The following KCNC1 variants were observed in gnomAD, a reference collection of about 807,000 sequenced individuals.
KCNC1 encodes voltage-gated potassium channel KCNC1.
In KCNC1, 8 loss-of-function variants were observed where a neutral mutation model predicts 43.4. That is an observed-to-expected ratio of 0.18 (90% confidence interval 0.11 to 0.33). The LOEUF (loss-of-function observed/expected upper bound fraction) is 0.33, where lower values mean the gene tolerates loss of function less well. KCNC1 is among the 10% of genes least tolerant of loss of function. The pLI, the probability that KCNC1 is intolerant of heterozygous loss-of-function variation, is 1.00. For synonymous variants in KCNC1, 361 were observed against 360.5 expected (o/e 1.00, Z -0.01); for missense variants, 420 against 836.0 (o/e 0.50, Z 6.14).
At position 17,773,870 on chromosome 11, in the gene KCNC1, T is replaced by G. The variant is rs1286143320; in HGVS notation, c.1504+1272T>G. On this transcript the variant is annotated intron_variant, in intron 2 of 3. Transcript: ENST00000265969. The surrounding 1 kb of genome is among the most constrained non-coding windows in gnomAD (Gnocchi z 4.1). ...GACGTGACAGGTGGCATTTAGTCTA[T>G]GAAGGACCTCCCCATGCCCAGGTCT... The G allele has an allele frequency of 1.0e-5, 10 of 985,408 alleles. No individual in the cohort carries two copies. Among genetic ancestry groups the G allele is most frequent in the African/African-American group, 1.7e-5 (1 of 57,234 alleles). The allele number at this position is 985,408 out of a possible 1,614,324, so 61.0% of individuals were successfully genotyped here.
Position 17,736,680 on chromosome 11 carries a change from G to T in KCNC1, c.570+108G>T, listed in dbSNP as rs1157580138. ...ACTGGCGCCTAGGGAGTTCAGAATC[G>T]AAAGGGGGTGTGTGCGCATGTGTGC... On this transcript the variant is annotated intron_variant, in intron 1 of 3. Coordinates refer to ENST00000265969, the MANE Select transcript of KCNC1 (RefSeq NM_001112741.2). This position sits in a 1 kb window ranked among gnomAD's most constrained non-coding sequence, Gnocchi z 9.3. The T allele has an allele frequency of 2.1e-6, 3 of 1,430,970 alleles. No homozygotes were observed. The highest frequency in any genetic ancestry group is 2.7e-6 in the Non-Finnish European group (3 of 1,096,382). 88.6% of individuals were successfully genotyped at this position (1,430,970 alleles called of 1,614,324 possible). A position where few individuals can be genotyped will look rare whatever the true frequency, so the allele number is the denominator to read the frequency against.
In KCNC1 at chr11:17,743,462, C is replaced by T. The variant is rs923226348; in HGVS notation, c.570+6890C>T. 3.9e-5 allele frequency among the ~76,000 whole-genome samples: 6 copies of T among 152,242 alleles called. 1 individual carries two copies. The highest frequency in any genetic ancestry group is 1.4e-4 in the African/African-American group (6 of 41,470). On this transcript the variant is annotated intron_variant, in intron 1 of 3. Transcript: ENST00000265969. The stretch of plus-strand genomic sequence containing the variant: ...GCCCCTGGGTAATGGCAGGTGAGGG[C>T]CCTGCCTGGCCAGGCCATGGGCTAA...
At chr11:17,769,484 G>A (rs753568130) in intron 1 of KCNC1, among the ~76,000 whole-genome samples, 1 of 152,064 alleles carries the variant, frequency 6.6e-6, no homozygotes, top group South Asian at 2.1e-4. Flanking sequence ...GAATTAAAAA[G>A]GATGAATGGA....
intron 1 of KCNC1, among the ~76,000 whole-genome samples, chr11:17,746,194 G>A (rs888825950): frequency 2.6e-5 from 4 of 152,186 alleles, no homozygotes; most frequent in Admixed American, 6.5e-5. Context: ...CTGGAGCAGC[G>A]AATAACAGGC....
chr11:17,774,736 G>A (rs77023144), intron 2 of KCNC1: 20,458 of 985,350 alleles, frequency 0.021, 273 homozygotes, highest in Non-Finnish European at 0.023. Flanking sequence ...GAAGTATTTG[G>A]GGCCCTCACA....
chr11:17,768,680 A>G (rs917032), intron 1 of KCNC1, among the ~76,000 whole-genome samples: 101,980 of 148,456 alleles, frequency 0.69, 36,020 homozygotes, highest in East Asian at 0.98. Context: ...AGGTGCCTCC[A>G]GCCTTCAGCC....
intron 1 of KCNC1, among the ~76,000 whole-genome samples, chr11:17,764,234 C>T (rs1048759457): frequency 6.6e-6 from 1 of 150,968 alleles, no homozygotes; most frequent in Non-Finnish European, 1.5e-5. Context: ...TCACACACCA[C>T]ACATAGTCCC....
At position 17,773,388 on chromosome 11, in the gene KCNC1, C is replaced by T. The variant is rs1035431676; in HGVS notation, c.1504+790C>T. 12 of 985,194 alleles carry T rather than the reference C, an allele frequency of 1.2e-5. 1 individual carries two copies. The highest frequency in any genetic ancestry group is 1.0e-3 in the Middle Eastern group (2 of 1,938). 61.0% of individuals were successfully genotyped at this position (985,194 alleles called of 1,614,324 possible). ...CCGGTGACCCGATGGAAGCGGCTGCCGAGCAAAAGACTAGAGGGGGCCACC... is the reference window on the plus strand; with the variant it reads ...CCGGTGACCCGATGGAAGCGGCTGCTGAGCAAAAGACTAGAGGGGGCCACC... On this transcript the variant is annotated intron_variant, in intron 2 of 3. Coordinates refer to ENST00000265969, the MANE Select transcript of KCNC1 (RefSeq NM_001112741.2). The surrounding 1 kb of genome is among the most constrained non-coding windows in gnomAD (Gnocchi z 4.1).
chr11:17,748,912 C>T (rs892520145), intron 1 of KCNC1, among the ~76,000 whole-genome samples: 20 of 152,160 alleles, frequency 1.3e-4, no homozygotes, highest in African/African-American at 4.8e-4. Flanking sequence ...GGGTCCCATA[C>T]ACGGTTCTCT....
chr11:17,773,885 T>A lies in KCNC1; in HGVS notation c.1504+1287T>A, dbSNP rs1849258054. 1.0e-6 allele frequency: 1 copy of A among 985,440 alleles called. No individual in the cohort carries two copies. Among genetic ancestry groups the A allele is most frequent in the Non-Finnish European group, 1.2e-6 (1 of 829,932 alleles). 61.0% of individuals were successfully genotyped at this position (985,440 alleles called of 1,614,324 possible). A position where few individuals can be genotyped will look rare whatever the true frequency, so the allele number is the denominator to read the frequency against. On this transcript the variant is annotated intron_variant, in intron 2 of 3. Transcript: ENST00000265969. This position sits in a 1 kb window ranked among gnomAD's most constrained non-coding sequence, Gnocchi z 4.1. ...ATTTAGTCTATGAAGGACCTCCCCA[T>A]GCCCAGGTCTGGCAGGAGGCTGCTG... is the stretch of plus-strand genomic sequence containing the variant.
In KCNC1 at chr11:17,763,946, CA is replaced by C. The variant is rs1565160263; in HGVS notation, c.571-7718del. ...GCACATATACACGCCCACACACACA[CA>C]CACCCACACACAGCAGCCCACACAT... On this transcript the variant is annotated intron_variant, in intron 1 of 3. Transcript: ENST00000265969. 8.3e-3 allele frequency among the ~76,000 whole-genome samples: 1,166 copies of C among 139,962 alleles called. 51 individuals are homozygous for C. The highest frequency in any genetic ancestry group is 0.012 in the Non-Finnish European group (780 of 64,556). The allele number at this position is 139,962 out of a possible 152,430, so 91.8% of individuals were successfully genotyped here. A position where few individuals can be genotyped will look rare whatever the true frequency, so the allele number is the denominator to read the frequency against.
In KCNC1 at chr11:17,735,795, C is replaced by A; in HGVS notation, c.-208C>A. The A allele has an allele frequency of 2.0e-6, 1 of 492,948 alleles. No individual in the cohort carries two copies. Among genetic ancestry groups the A allele is most frequent in the Non-Finnish European group, 3.4e-6 (1 of 292,506 alleles). The allele number at this position is 492,948 out of a possible 1,614,324, so 30.5% of individuals were successfully genotyped here. On this transcript the variant is annotated 5_prime_UTR_variant, in exon 1 of 4. Coordinates refer to ENST00000265969, the MANE Select transcript of KCNC1 (RefSeq NM_001112741.2). This position sits in a 1 kb window ranked among gnomAD's most constrained non-coding sequence, Gnocchi z 6.7. ...GCTCCTAGAGACCCCTGGGATCCCG[C>A]GCACATTCCCCTGGACCGGCACCCG...
At position 17,781,340 on chromosome 11, in the gene KCNC1, C is replaced by A; in HGVS notation, c.1694-330C>A. ...GGCGCTAAGGGTGAAGTGTCCCCAC[C>A]TACATCCATTCGGCCCGCGCTCTCA... On this transcript the variant is annotated intron_variant, in intron 3 of 3. Transcript: ENST00000265969. The surrounding 1 kb of genome is among the most constrained non-coding windows in gnomAD (Gnocchi z 5.1). The A allele has an allele frequency of 3.3e-6, 1 of 298,966 alleles. No individual in the cohort carries two copies. The highest frequency in any genetic ancestry group is 6.3e-6 in the Non-Finnish European group (1 of 159,806). 18.5% of individuals were successfully genotyped at this position (298,966 alleles called of 1,614,324 possible). A position where few individuals can be genotyped will look rare whatever the true frequency, so the allele number is the denominator to read the frequency against.
intron 1 of KCNC1, among the ~76,000 whole-genome samples, chr11:17,762,414 A>T (rs143404233): frequency 3.0e-4 from 46 of 152,242 alleles, no homozygotes; most frequent in African/African-American, 9.6e-4. Flanking sequence ...GGTGTGTCTG[A>T]ACACTTCCTT....
chr11:17,778,291 G>C lies in KCNC1; in HGVS notation c.1505-1165G>C, dbSNP rs545177898. 3.9e-5 allele frequency among the ~76,000 whole-genome samples: 6 copies of C among 152,264 alleles called. No individual in the cohort carries two copies. The East Asian group carries it at 1.2e-3, about 29-fold the overall frequency. On this transcript the variant is annotated intron_variant, in intron 2 of 3. Transcript: ENST00000265969. ...GACAGAGCTCCTTGCTCTGGCCAAAGTTTGCCCCCCACCAAATGTGCTCCC... is the reference window on the plus strand; with the variant it reads ...GACAGAGCTCCTTGCTCTGGCCAAACTTTGCCCCCCACCAAATGTGCTCCC...
rs1217082383 is a variant in KCNC1, at chr11:17,739,465, C to T, written c.570+2893C>T. Reference sequence around the variant, plus strand: ...TCAGGGGTTGTGTGTGTGAGAGAGGCGGATTCTGTGTTTTGGATGGACTGT... The same window carrying T: ...TCAGGGGTTGTGTGTGTGAGAGAGGTGGATTCTGTGTTTTGGATGGACTGT... On this transcript the variant is annotated intron_variant, in intron 1 of 3. Transcript: ENST00000265969. This position sits in a 1 kb window ranked among gnomAD's most constrained non-coding sequence, Gnocchi z 4.2. 1.4e-5 allele frequency among the ~76,000 whole-genome samples: 2 copies of T among 147,908 alleles called. No individual in the cohort carries two copies. The highest frequency in any genetic ancestry group is 2.0e-4 in the East Asian group (1 of 4,914).
chr11:17,746,808 C>G (rs1299073290), intron 1 of KCNC1, among the ~76,000 whole-genome samples: 1 of 152,146 alleles, frequency 6.6e-6, no homozygotes, highest in East Asian at 1.9e-4. Flanking sequence ...CCCCTTGAAC[C>G]ATCAGGCCTT....
In KCNC1 at chr11:17,781,229, T is replaced by G. The variant is rs1431978300; in HGVS notation, c.1694-441T>G. 1 of 162,506 alleles carries G rather than the reference T, an allele frequency of 6.2e-6. No individual in the cohort carries two copies. Among genetic ancestry groups the G allele is most frequent in the Non-Finnish European group, 1.3e-5 (1 of 75,054 alleles). 10.1% of individuals were successfully genotyped at this position (162,506 alleles called of 1,614,324 possible). A position where few individuals can be genotyped will look rare whatever the true frequency, so the allele number is the denominator to read the frequency against. ...ACAGGAACAGCGCTGCTCCCTGCAG[T>G]GGCTGGGAGTCCAGCGGTAAGCACT... On this transcript the variant is annotated intron_variant, in intron 3 of 3. Transcript: ENST00000265969. This position sits in a 1 kb window ranked among gnomAD's most constrained non-coding sequence, Gnocchi z 5.1.
intron 1 of KCNC1, among the ~76,000 whole-genome samples, chr11:17,746,001 C>T (rs562824399): frequency 3.3e-5 from 5 of 152,218 alleles, no homozygotes; most frequent in African/African-American, 7.2e-5. Context: ...ATTGCTCTGT[C>T]TCTAGAAGCT....
Sources: gnomAD v4.1 joint callset for allele counts (sites outside exome capture counted in the v4.1 genomes callset) on GRCh38, gnomAD v4.1.1 for gene constraint, Gnocchi (gnomAD v3.1) non-coding constraint, MANE v1.5 for transcripts, NCBI Gene and HGNC (gene_info 2026-07-23, HGNC 2026-07-21) for gene names.